COPG2: variants seen among roughly 807,000 people sequenced by gnomAD.
COPG2 encodes coatomer subunit gamma-2.
In COPG2, 37 loss-of-function variants were observed where a neutral mutation model predicts 46.3. The ratio of observed to expected loss-of-function variants is 0.80; its 90% CI spans 0.61 to 1.05. The LOEUF (loss-of-function observed/expected upper bound fraction) is 1.05. COPG2 is among the 50% of genes least tolerant of loss of function. The probability of loss-of-function intolerance (pLI) is 0.00; values close to 1 mark genes in which losing one functional copy is unlikely to be tolerated. For missense variants in COPG2, 427 were observed against 387.8 expected, an observed-to-expected ratio of 1.10 and a Z score of -0.85; for synonymous variants, 159 against 129.7, an observed-to-expected ratio of 1.23 and a Z score of -1.53.
chr7:130,531,219 C>A (rs1389608426), intron 20 of COPG2, among the ~76,000 whole-genome samples: 1 of 149,676 alleles, frequency 6.7e-6, no homozygotes, highest in Non-Finnish European at 1.5e-5. Flanking sequence ...GTATGTTGAG[C>A]CAAGCCCCCA....
chr7:130,654,299 T>C (rs1250942248), intron 4 of COPG2, among the ~76,000 whole-genome samples: 1 of 152,184 alleles, frequency 6.6e-6, no homozygotes, highest in African/African-American at 2.4e-5. Context: ...TCACAGATGC[T>C]AGAAATGAAG....
At chr7:130,655,185 G>A (rs1301505114) in intron 4 of COPG2, among the ~76,000 whole-genome samples, 11 of 151,840 alleles carry the variant, frequency 7.2e-5, no homozygotes, top group Admixed American at 5.9e-4. Flanking sequence ...GTTTATTTTG[G>A]TGTATGATCT....
At chr7:130,611,403 G>A (rs1554452076) in intron 8 of COPG2, among the ~76,000 whole-genome samples, 2 of 152,138 alleles carry the variant, frequency 1.3e-5, no homozygotes, top group African/African-American at 2.4e-5. Flanking sequence ...CAGTACACAC[G>A]CTCTCGGGTC....
intron 20 of COPG2, among the ~76,000 whole-genome samples, chr7:130,529,608 C>T (rs1270321542): frequency 6.6e-6 from 1 of 152,216 alleles, no homozygotes. Flanking sequence ...ACCACAGAGG[C>T]AGAATGAAGC....
At chr7:130,660,633 C>T (rs1554460601) in intron 4 of COPG2, among the ~76,000 whole-genome samples, 1 of 152,180 alleles carries the variant, frequency 6.6e-6, no homozygotes, top group Non-Finnish European at 1.5e-5. Flanking sequence ...AGTGCAATCC[C>T]AGTAATAAGT....
chr7:130,554,589 T>G lies in COPG2; in HGVS notation c.1360A>C (p.Lys454Gln), dbSNP rs1182929559. The G allele has an allele frequency of 7.5e-6, 3 of 398,408 alleles. No individual in the cohort carries two copies. The highest frequency in any genetic ancestry group is 6.2e-5 in the African/African-American group (3 of 48,612). 24.7% of individuals were successfully genotyped at this position (398,408 alleles called of 1,614,324 possible). ...TCTTTGCCCAACAAGTGTAGAATCT[T>G]AGTAGCCAGAACAGTGTGTTCACAG... ...EDCEHTVLAT[K>Q]ILHLLGKEGP... The change falls in exon 14 of 24, where the codon AAG (lysine) becomes CAG (glutamine). Residue 454 changes from lysine (K) to glutamine (Q), a missense_variant. Transcript: ENST00000425248.
chr7:130,604,305 G>GATGT (rs1165692831), intron 9 of COPG2, among the ~76,000 whole-genome samples: 22 of 152,166 alleles, frequency 1.4e-4, no homozygotes, highest in Admixed American at 1.4e-3. Context: ...AATTTAAGAA[G>GATGT]ATGTATCTTT....
chr7:130,628,722 A>G (rs1399363021), intron 5 of COPG2, among the ~76,000 whole-genome samples: 2 of 152,114 alleles, frequency 1.3e-5, no homozygotes, highest in Non-Finnish European at 2.9e-5. Flanking sequence ...TAAGACAGCT[A>G]CCAATAAATT....
At position 130,668,613 on chromosome 7, in the gene COPG2, T is replaced by G. The variant is rs782498645; in HGVS notation, c.37+19A>C. On this transcript the variant is annotated intron_variant, in intron 1 of 23. Transcript: ENST00000425248. ...GGCGTCCCGCGGCTGAGGGTGGGCC[T>G]CGGAAGCCCCGCGCGTACCAGACTC... 3.3e-6 allele frequency: 5 copies of G among 1,522,418 alleles called. No homozygotes were observed. In the South Asian group the frequency reaches 6.2e-5, roughly 19 times the overall value. 94.3% of individuals were successfully genotyped at this position (1,522,418 alleles called of 1,614,324 possible).
chr7:130,547,918 C>T, intron 19 of COPG2, 73 bp from the exon 20 acceptor site: 1 of 398,350 alleles, frequency 2.5e-6, no homozygotes, highest in East Asian at 3.6e-5. Flanking sequence ...CACTACTCAG[C>T]TCTGGAACCC....
At chr7:130,507,150 G>A in intron 23 of COPG2, 124 bp downstream of exon 23, 1 of 685,372 alleles carries the variant, frequency 1.5e-6, no homozygotes. Context: ...CATTTTGACT[G>A]GGTATCAAAT....
intron 20 of COPG2, among the ~76,000 whole-genome samples, chr7:130,532,883 G>T (rs1799842654): frequency 6.6e-6 from 1 of 152,166 alleles, no homozygotes; most frequent in South Asian, 2.1e-4. Context: ...ACACACCTGA[G>T]AACATGAATT....
chr7:130,625,063 A>G (rs1795094896), intron 5 of COPG2, among the ~76,000 whole-genome samples: 1 of 152,180 alleles, frequency 6.6e-6, no homozygotes, highest in Non-Finnish European at 1.5e-5. Context: ...TATCACATCT[A>G]TGCCAACATC....
intron 9 of COPG2, among the ~76,000 whole-genome samples, chr7:130,590,640 C>A (rs1441939702): frequency 2.0e-5 from 3 of 152,044 alleles, no homozygotes. Context: ...CCTTGGCCCC[C>A]CAAAGTGCTG....
At chr7:130,542,372 C>T (rs971812555) in intron 20 of COPG2, among the ~76,000 whole-genome samples, 1 of 151,670 alleles carries the variant, frequency 6.6e-6, no homozygotes, top group Non-Finnish European at 1.5e-5. Flanking sequence ...CGATGGAAGG[C>T]CAGAGGACAC....
At chr7:130,508,442 C>G (rs1448829781) in intron 21 of COPG2, 120 bp downstream of exon 21, 1 of 625,568 alleles carries the variant, frequency 1.6e-6, no homozygotes, top group Non-Finnish European at 2.9e-6. Flanking sequence ...TCATCTGTTT[C>G]AGAAGAATAG....
intron 5 of COPG2, among the ~76,000 whole-genome samples, chr7:130,633,180 T>A (rs1185855406): frequency 7.2e-5 from 11 of 152,236 alleles, no homozygotes; most frequent in Admixed American, 7.2e-4. Context: ...GTGTTTGCTA[T>A]TGTGAACAGT....
chr7:130,607,846 A>C (rs1240631013), intron 9 of COPG2: 16 of 516,908 alleles, frequency 3.1e-5, no homozygotes, highest in Non-Finnish European at 5.8e-5. Context: ...TAGCAAAAAA[A>C]CCCCACAAAT....
intron 9 of COPG2, among the ~76,000 whole-genome samples, chr7:130,584,438 A>G (rs1179021262): frequency 6.6e-6 from 1 of 151,994 alleles, no homozygotes; most frequent in East Asian, 1.9e-4. Flanking sequence ...CCTCTTCAAC[A>G]TAGAAGTTGT....
Sources: allele counts gnomAD v4.1 joint callset (sites outside exome capture counted in the v4.1 genomes callset), GRCh38; gene constraint gnomAD v4.1.1; transcripts MANE v1.5; gene names NCBI Gene and HGNC (gene_info 2026-07-23, HGNC 2026-07-21).